Variants in ARL5C observed in about 807,000 individuals in gnomAD.
ARL5C encodes the protein ARF like GTPase 5C, also known as putative ADP-ribosylation factor-like protein 5C.
A neutral mutation model predicts 20.8 loss-of-function variants in ARL5C; 21 were observed. The ratio of observed to expected loss-of-function variants is 1.01; its 90% CI spans 0.72 to 1.46. ARL5C has a LOEUF of 1.46. Among genes scored for constraint, ARL5C ranks in the 40% most tolerant of loss-of-function variants. The probability of loss-of-function intolerance (pLI) is 0.00; values close to 1 mark genes in which losing one functional copy is unlikely to be tolerated. For missense variants in ARL5C, 199 were observed against 225.1 expected (o/e 0.88, Z 0.74); for synonymous variants, 71 against 81.6 (o/e 0.87, Z 0.70).
chr17:39,163,345 C>CCTTTCTTTCTTCCTTTCTTTCTTTCTTT (rs2045444068), intron 2 of ARL5C, among the ~76,000 whole-genome samples: 1 of 136,740 alleles, frequency 7.3e-6, no homozygotes, highest in South Asian at 2.6e-4. Context: ...CAGGCTTTTG[C>CCTTTCTTTCTTCCTTTCTTTCTTTCTTT]CTTTCTTTCT....
intron 5 of ARL5C, among the ~76,000 whole-genome samples, chr17:39,158,122 AG>A (rs57661251): frequency 0.11 from 9,697 of 89,378 alleles, 397 homozygotes; most frequent in Middle Eastern, 0.17. Flanking sequence ...GGAGGGAGGG[AG>A]GGAGGGAGGA....
chr17:39,160,365 G>A (rs923370840), intron 5 of ARL5C: 14 of 502,170 alleles, frequency 2.8e-5, no homozygotes, highest in South Asian at 6.1e-5. Flanking sequence ...GCATTTAGGC[G>A]GAGTGCTACC....
Position 39,163,418 on chromosome 17 carries a change from CTCTT to C in ARL5C, c.108-564_108-561del, listed in dbSNP as rs1279509214. ...TCTCTCTTTCTTTCCTTCTCTCTCT[CTCTT>C]TCTTTCTTTCACAGAGTCTCACTCT... On this transcript the variant is annotated intron_variant, in intron 2 of 5. Transcript: ENST00000269586. Among the ~76,000 whole-genome samples, 361 of 143,044 alleles carry C rather than the reference CTCTT, an allele frequency of 2.5e-3. 2 individuals are homozygous for C. Among genetic ancestry groups the C allele is most frequent in the African/African-American group, 8.4e-3 (337 of 40,202 alleles). The allele number at this position is 143,044 out of a possible 152,430, so 93.8% of individuals were successfully genotyped here.
intron 5 of ARL5C, chr17:39,160,338 A>AAGAG: frequency 2.5e-6 from 1 of 392,616 alleles, no homozygotes. Flanking sequence ...AAAAAAAAAA[A>AAGAG]AGAGAGAGAG....
chr17:39,158,331 C>T (rs1028733334), intron 5 of ARL5C, among the ~76,000 whole-genome samples: 6 of 151,432 alleles, frequency 4.0e-5, no homozygotes, highest in African/African-American at 1.5e-4. Flanking sequence ...AACACATCTG[C>T]GCCAGGCGTG....
intron 5 of ARL5C, among the ~76,000 whole-genome samples, chr17:39,158,470 G>A (rs1160854627): frequency 6.6e-6 from 1 of 152,016 alleles, no homozygotes; most frequent in South Asian, 2.1e-4. Flanking sequence ...AAAATTACCA[G>A]GGCATGGTGG....
Position 39,162,576 on chromosome 17 carries a change from C to A in ARL5C, c.255+135G>T, listed in dbSNP as rs887931123. 9 of 1,143,720 alleles carry A rather than the reference C, an allele frequency of 7.9e-6. No homozygotes were observed. The Admixed American group carries it at 1.8e-4, about 23-fold the overall frequency. 70.8% of individuals were successfully genotyped at this position (1,143,720 alleles called of 1,614,324 possible). On this transcript the variant is annotated intron_variant, in intron 3 of 5. Transcript: ENST00000269586. The stretch of plus-strand genomic sequence containing the variant: ...TTGGACTCCCAAAGTGCTGGGATTA[C>A]AGGTGTGAGCCACAGGAACCGACCA...
In ARL5C at chr17:39,160,706, T is replaced by G; in HGVS notation, c.376A>C (p.Lys126Gln). ...QDASVLIFAN[K>Q]QDVKDSMRMV... The stretch of plus-strand genomic sequence containing the variant: ...CTCATGGAGTCCTTCACGTCCTGCT[T>G]ATTGGCAAATATCAGGACTGAAGCA... The change falls in exon 5 of 6, where the codon AAG (lysine) becomes CAG (glutamine). Residue 126 changes from lysine (K) to glutamine (Q), a missense_variant. By Grantham distance (53) the Lys-to-Gln change is moderately conservative. Transcript: ENST00000269586. The G allele has an allele frequency of 6.4e-7, 1 of 1,551,782 alleles. No individual in the cohort carries two copies. Among genetic ancestry groups the G allele is most frequent in the African/African-American group, 1.4e-5 (1 of 73,162 alleles).
At position 39,165,747 on chromosome 17, in the gene ARL5C, A is replaced by G. The variant is rs2144051531; in HGVS notation, c.14T>C (p.Ile5Thr). 2 of 1,551,840 alleles carry G rather than the reference A, an allele frequency of 1.3e-6. No homozygotes were observed. Among genetic ancestry groups the G allele is most frequent in the Non-Finnish European group, 1.7e-6 (2 of 1,146,982 alleles). ...CCCGAAGATGCTCATTAACTTGGCG[A>G]TCAGCTGTCCCATGGCACTTCCCGG... MGQL[I>T]AKLMSIFGNQ... The change falls in exon 1 of 6, where the codon ATC (isoleucine) becomes ACC (threonine). Residue 5 changes from isoleucine (I) to threonine (T), a missense_variant. Transcript: ENST00000269586.
intron 1 of ARL5C, 30 bp from the exon 2 acceptor site, chr17:39,165,169 G>A: frequency 1.1e-5 from 17 of 1,550,744 alleles, no homozygotes; most frequent in Non-Finnish European, 1.4e-5. Context: ...GGCAGCGTCA[G>A]GGCCAAACCC....
intron 3 of ARL5C, 48 bp from the exon 4 acceptor site, chr17:39,161,399 A>G (rs2045434344): frequency 6.6e-7 from 1 of 1,519,122 alleles, no homozygotes; most frequent in African/African-American, 1.4e-5. Context: ...TCTTTGGTAA[A>G]TGTGTTTCCT....
intron 5 of ARL5C, among the ~76,000 whole-genome samples, chr17:39,158,101 AAGGGAAGGAGGG>A (rs969138859): frequency 1.5e-5 from 2 of 134,680 alleles, no homozygotes; most frequent in Non-Finnish European, 3.2e-5. Flanking sequence ...CCGTCGAAGA[AAGGGAAGGAGGG>A]AGGGAGGGAG....
rs889524554 is a variant in ARL5C, at chr17:39,165,164, C to T, written c.47-25G>A. 8 of 1,550,982 alleles carry T rather than the reference C, an allele frequency of 5.2e-6. No homozygotes were observed. In the African/African-American group the frequency reaches 9.6e-5, roughly 19 times the overall value. Reference sequence around the variant, plus strand: ...TCTGGAAGCGTCGGAGGAAGGGCAGCGTCAGGGCCAAACCCGAAGACCAAG... The same window carrying T: ...TCTGGAAGCGTCGGAGGAAGGGCAGTGTCAGGGCCAAACCCGAAGACCAAG... On this transcript the variant is annotated intron_variant, in intron 1 of 5. Transcript: ENST00000269586.
intron 2 of ARL5C, 107 bp downstream of exon 2, chr17:39,164,972 A>G: frequency 8.5e-7 from 1 of 1,173,828 alleles, no homozygotes; most frequent in African/African-American, 1.5e-5. Flanking sequence ...CCTCCGGACT[A>G]CAGAGGAGCC....
intron 5 of ARL5C, among the ~76,000 whole-genome samples, chr17:39,157,983 G>A (rs1253663719): frequency 1.4e-4 from 20 of 148,088 alleles, no homozygotes; most frequent in Admixed American, 6.0e-4. Context: ...CTGTAATCCC[G>A]GCTACTCGGG....
chr17:39,157,000 A>G, intron 5 of ARL5C, 58 bp from the exon 6 acceptor site: 1 of 1,543,340 alleles, frequency 6.5e-7, no homozygotes, highest in Non-Finnish European at 8.8e-7. Flanking sequence ...ATGGCCTTCA[A>G]GTCTCCAGCC....
At chr17:39,160,538 G>C (rs2045428912) in intron 5 of ARL5C, 53 bp downstream of exon 5, 10 of 1,539,048 alleles carry the variant, frequency 6.5e-6, no homozygotes, top group Non-Finnish European at 8.8e-6. Flanking sequence ...CTGATGGTCA[G>C]TCATCCATTG....
chr17:39,156,809 G>A (rs2045408275), downstream of ARL5C: 1 of 1,483,112 alleles, frequency 6.7e-7, no homozygotes, highest in Non-Finnish European at 9.2e-7. Context: ...GAGAACCATA[G>A]AAAAGTAATA....
Position 39,161,360 on chromosome 17 carries a change from CAGAGGGGAGCCGTG to C in ARL5C, c.256-23_256-10del. Reference sequence around the variant, plus strand: ...ATCACAAGGATGATAAACTGGGCAGCAGAGGGGAGCCGTGAGAGACAGGCTTTCTCTTTGGTAAA... The same window carrying C: ...ATCACAAGGATGATAAACTGGGCAGCAGAGACAGGCTTTCTCTTTGGTAAA... On this transcript the variant is annotated splice_polypyrimidine_tract_variant and intron_variant, in intron 3 of 5. Transcript: ENST00000269586. 1 of 1,551,788 alleles carries C rather than the reference CAGAGGGGAGCCGTG, an allele frequency of 6.4e-7. No homozygotes were observed. Among genetic ancestry groups the C allele is most frequent in the Non-Finnish European group, 8.7e-7 (1 of 1,146,924 alleles).
Sources: allele counts gnomAD v4.1 joint callset (sites outside exome capture counted in the v4.1 genomes callset), GRCh38; gene constraint gnomAD v4.1.1; transcripts MANE v1.5; gene names NCBI Gene and HGNC (gene_info 2026-07-23, HGNC 2026-07-21).